Variants in FGD6 observed in about 807,000 individuals in gnomAD.
FGD6 encodes the protein FYVE, RhoGEF and PH domain-containing protein 6.
Under a neutral mutation model 149.4 loss-of-function variants are expected in FGD6, and 90 were observed. That is an observed-to-expected ratio of 0.60 (90% CI 0.51 to 0.72). FGD6 has a LOEUF of 0.72. FGD6 is among the 30% of genes least tolerant of loss of function. The probability of loss-of-function intolerance (pLI) is 0.00; values close to 1 mark genes in which losing one functional copy is unlikely to be tolerated. For missense variants in FGD6, 1,437 were observed against 1,684.8 expected (o/e 0.85, Z 2.57); for synonymous variants, 527 against 584.0 (o/e 0.90, Z 1.41).
At chr12:95,152,151 C>T (rs1177206654) in intron 5 of FGD6, among the ~76,000 whole-genome samples, 6 of 151,950 alleles carry the variant, frequency 3.9e-5, no homozygotes, top group Non-Finnish European at 1.5e-5. Flanking sequence ...CATGTTGAAA[C>T]CCCATCTCTA....
At chr12:95,108,593 G>A in intron 9 of FGD6, 32 bp from the exon 10 acceptor site, 1 of 1,612,438 alleles carries the variant, frequency 6.2e-7, no homozygotes, top group South Asian at 1.1e-5. Flanking sequence ...CGTGCATTTA[G>A]TAATTACAAT....
chr12:95,123,291 G>A (rs768263691), intron 8 of FGD6, among the ~76,000 whole-genome samples: 1 of 152,020 alleles, frequency 6.6e-6, no homozygotes, highest in Non-Finnish European at 1.5e-5. Flanking sequence ...AGCTACTTGG[G>A]AGGCTCAGGT....
intron 5 of FGD6, among the ~76,000 whole-genome samples, chr12:95,148,643 ATATATAT>A (rs1482274389): frequency 4.5e-5 from 5 of 111,116 alleles, no homozygotes; most frequent in East Asian, 2.6e-4. Flanking sequence ...ATGTTATATT[ATATATAT>A]TATATATTAT....
intron 18 of FGD6, among the ~76,000 whole-genome samples, chr12:95,089,214 G>A (rs1048866421): frequency 4.6e-5 from 7 of 152,218 alleles, no homozygotes; most frequent in Admixed American, 4.6e-4. Context: ...AATAAACCGT[G>A]CAGATCACTA....
chr12:95,118,597 C>T (rs1209253636), intron 8 of FGD6, among the ~76,000 whole-genome samples: 1 of 152,042 alleles, frequency 6.6e-6, no homozygotes, highest in Non-Finnish European at 1.5e-5. Context: ...ATTCCTGGAC[C>T]GTGCACTGAG....
intron 14 of FGD6, 128 bp downstream of exon 14, chr12:95,104,879 T>A: frequency 1.4e-6 from 1 of 699,764 alleles, no homozygotes; most frequent in Non-Finnish European, 2.3e-6. Flanking sequence ...TGCCACTGCA[T>A]TCCAGCCTGG....
intron 8 of FGD6, among the ~76,000 whole-genome samples, chr12:95,127,048 A>C (rs1167624132): frequency 1.3e-5 from 2 of 152,112 alleles, no homozygotes; most frequent in Non-Finnish European, 2.9e-5. Context: ...GAACTACCTT[A>C]TATCAGACAC....
chr12:95,183,537 G>A (rs527580255), intron 2 of FGD6, among the ~76,000 whole-genome samples: 10 of 152,286 alleles, frequency 6.6e-5, no homozygotes, highest in African/African-American at 9.6e-5. Flanking sequence ...TCACTAACGG[G>A]GTGAAGAGGA....
At chr12:95,124,296 G>A (rs1879274175) in intron 8 of FGD6, among the ~76,000 whole-genome samples, 1 of 152,130 alleles carries the variant, frequency 6.6e-6, no homozygotes, top group East Asian at 1.9e-4. Context: ...AATGGCCTTG[G>A]CACAGTCGAG....
Position 95,081,217 on chromosome 12 carries a change from AATACAGT to A in FGD6, c.*296_*302del, listed in dbSNP as rs1877662198. 5.2e-6 allele frequency: 1 copy of A among 192,404 alleles called. No individual in the cohort carries two copies. The highest frequency in any genetic ancestry group is 1.2e-4 in the East Asian group (1 of 8,426). 11.9% of individuals were successfully genotyped at this position (192,404 alleles called of 1,614,324 possible). ...AGTGTGAACTATGTCACGAATAGTT[AATACAGT>A]ATACAGTATTAAGATAGTTTTTCTG... On this transcript the variant is annotated 3_prime_UTR_variant, in exon 21 of 21. Transcript: ENST00000343958.
At chr12:95,167,010 C>G (rs1166356883) in intron 3 of FGD6, among the ~76,000 whole-genome samples, 1 of 151,768 alleles carries the variant, frequency 6.6e-6, no homozygotes, top group Non-Finnish European at 1.5e-5. Context: ...ATGTGCACCA[C>G]CACACCTGGC....
intron 2 of FGD6, among the ~76,000 whole-genome samples, chr12:95,204,580 T>C (rs926285718): frequency 6.6e-6 from 1 of 152,056 alleles, no homozygotes; most frequent in Non-Finnish European, 1.5e-5. Context: ...CTTAGTCATC[T>C]CATCCTTCCC....
chr12:95,109,612 G>T (rs7306164), intron 9 of FGD6, among the ~76,000 whole-genome samples: 95,646 of 151,928 alleles, frequency 0.63, 30,385 homozygotes, highest in East Asian at 0.68. Context: ...CCTGTAATCC[G>T]AACACTTTGG....
intron 20 of FGD6, 81 bp from the exon 21 acceptor site, chr12:95,081,637 G>C: frequency 1.2e-6 from 1 of 844,922 alleles, no homozygotes; most frequent in Non-Finnish European, 1.8e-6. Flanking sequence ...AGCTGGGCCT[G>C]TGGTCCTCAT....
chr12:95,196,811 T>G (rs1225719427), intron 2 of FGD6, among the ~76,000 whole-genome samples: 2 of 151,514 alleles, frequency 1.3e-5, no homozygotes, highest in Admixed American at 6.6e-5. Flanking sequence ...GGCTAATTTT[T>G]AAATTTTTTG....
intron 2 of FGD6, among the ~76,000 whole-genome samples, chr12:95,180,127 T>G (rs923831680): frequency 6.8e-4 from 102 of 150,308 alleles, no homozygotes; most frequent in Non-Finnish European, 9.0e-4. Context: ...CATAGATCAT[T>G]CTCCAGGAAA....
rs12099602 is a variant in FGD6, at chr12:95,121,481, G to A, written c.3083-7780C>T. Among the ~76,000 whole-genome samples the A allele has an allele frequency of 3.2e-3, 392 of 121,808 alleles. 6 individuals are homozygous for A. Among genetic ancestry groups the A allele is most frequent in the African/African-American group, 0.01 (298 of 29,770 alleles). 79.9% of individuals were successfully genotyped at this position (121,808 alleles called of 152,430 possible). A position where few individuals can be genotyped will look rare whatever the true frequency, so the allele number is the denominator to read the frequency against. ...AAAAAAAAGATATATATATATATAT[G>A]TATATATATATATATATATATTCCT... is the stretch of plus-strand genomic sequence containing the variant. On this transcript the variant is annotated intron_variant, in intron 8 of 20. Transcript: ENST00000343958.
intron 8 of FGD6, among the ~76,000 whole-genome samples, chr12:95,119,288 A>G (rs939329449): frequency 1.3e-5 from 2 of 152,240 alleles, no homozygotes; most frequent in African/African-American, 2.4e-5. Context: ...AATATCATGA[A>G]ACATATTTTG....
chr12:95,170,618 G>A (rs1396404385), intron 3 of FGD6, among the ~76,000 whole-genome samples: 1 of 152,158 alleles, frequency 6.6e-6, no homozygotes, highest in Non-Finnish European at 1.5e-5. Flanking sequence ...CTCCAGCCTG[G>A]GCAACAAGAG....
Sources: allele counts gnomAD v4.1 joint callset (sites outside exome capture counted in the v4.1 genomes callset), GRCh38; gene constraint gnomAD v4.1.1; transcripts MANE v1.5; gene names NCBI Gene and HGNC (gene_info 2026-07-23, HGNC 2026-07-21).